IGSF11: variants seen among roughly 807,000 people sequenced by gnomAD.
IGSF11 encodes immunoglobulin superfamily member 11, also known as CXADR like 1.
Under a neutral mutation model 41.0 loss-of-function variants are expected in IGSF11, and 22 were observed. That is an observed-to-expected ratio of 0.54 (90% CI 0.38 to 0.77). The LOEUF (loss-of-function observed/expected upper bound fraction) is 0.77, where lower values mean the gene tolerates loss of function less well. Among genes scored for constraint, IGSF11 ranks in the 30% least tolerant of loss-of-function variants. The probability of loss-of-function intolerance (pLI) is 0.00; values close to 1 mark genes in which losing one functional copy is unlikely to be tolerated. For synonymous variants in IGSF11, 219 were observed against 201.3 expected (o/e 1.09, Z -0.74); for missense variants, 444 against 530.8 (o/e 0.84, Z 1.61).
At chr3:119,074,581 C>T (rs1055526694) in intron 1 of IGSF11, among the ~76,000 whole-genome samples, 4 of 150,560 alleles carry the variant, frequency 2.7e-5, no homozygotes, top group Non-Finnish European at 4.4e-5. Flanking sequence ...GGGCCAGGCA[C>T]ACGAGATTAC....
intron 1 of IGSF11, among the ~76,000 whole-genome samples, chr3:119,115,566 T>G (rs1338862546): frequency 1.4e-5 from 2 of 141,282 alleles, no homozygotes; most frequent in Non-Finnish European, 3.3e-5. Flanking sequence ...GAAATGTCTA[T>G]TCAGATTGTT....
chr3:119,005,394 T>C (rs1576619211), intron 1 of IGSF11, among the ~76,000 whole-genome samples: 1 of 151,072 alleles, frequency 6.6e-6, no homozygotes, highest in Non-Finnish European at 1.5e-5. Context: ...TACAGCACAC[T>C]GATGGGTCTT....
Position 119,078,403 on chromosome 3 carries a change from T to C in IGSF11, c.49+26741A>G, listed in dbSNP as rs966150566. Among the ~76,000 whole-genome samples, 5 of 152,054 alleles carry C rather than the reference T, an allele frequency of 3.3e-5. No individual in the cohort carries two copies. The East Asian group carries it at 5.8e-4, about 18-fold the overall frequency. On this transcript the variant is annotated intron_variant, in intron 1 of 6. Coordinates refer to the IGSF11 transcript ENST00000354673. ...CCAATGGGACAGGTTAGAGAACCCA[T>C]AAATAAAGCCACATACCTACAACTG...
intron 1 of IGSF11, among the ~76,000 whole-genome samples, chr3:118,976,980 G>A (rs761333521): frequency 9.9e-5 from 15 of 152,180 alleles, no homozygotes; most frequent in Non-Finnish European, 2.1e-4. Flanking sequence ...TTTACCAGCT[G>A]CTCTTAGGGG....
rs1576386762 is a variant in IGSF11 at position 118,926,344 on chromosome 3, C to T, written c.425-88G>A. The T allele has an allele frequency of 7.3e-6, 8 of 1,090,948 alleles. No homozygotes were observed. In the East Asian group the frequency reaches 2.1e-4, roughly 29 times the overall value. The allele number at this position is 1,090,948 out of a possible 1,614,324, so 67.6% of individuals were successfully genotyped here. A position where few individuals can be genotyped will look rare whatever the true frequency, so the allele number is the denominator to read the frequency against. On this transcript the variant is annotated intron_variant, in intron 3 of 6. Coordinates refer to ENST00000393775, the MANE Select transcript of IGSF11 (RefSeq NM_001015887.3). ...AGACATCAACATTCAGTACATTGGA[C>T]CCTTAGATTACACTGTTTTGGGAAC...
At position 118,901,704 on chromosome 3, in the gene IGSF11, T is replaced by A. The variant is rs1938875449; in HGVS notation, c.*816A>T. On this transcript the variant is annotated 3_prime_UTR_variant, in exon 7 of 7. Coordinates refer to ENST00000393775, the MANE Select transcript of IGSF11 (RefSeq NM_001015887.3). ...TAAATACAACCATTGAACAAGGTAT[T>A]ATACAACAGTCTTTTCTTTCTTAGC... is the stretch of plus-strand genomic sequence containing the variant. 1 of 151,706 alleles carries A rather than the reference T, an allele frequency of 6.6e-6. No individual in the cohort carries two copies. Among genetic ancestry groups the A allele is most frequent in the African/African-American group, 2.4e-5 (1 of 41,258 alleles). The allele number at this position is 151,706 out of a possible 1,614,324, so 9.4% of individuals were successfully genotyped here.
At chr3:119,074,529 T>C (rs2076459367) in intron 1 of IGSF11, among the ~76,000 whole-genome samples, 1 of 150,984 alleles carries the variant, frequency 6.6e-6, no homozygotes. Flanking sequence ...AAGAGGAACG[T>C]TTATAGTGTT....
chr3:118,955,087 A>T (rs1944850467), intron 1 of IGSF11, among the ~76,000 whole-genome samples: 1 of 152,172 alleles, frequency 6.6e-6, no homozygotes, highest in South Asian at 2.1e-4. Context: ...ATGTCATTAT[A>T]TGAAAAAGAT....
intron 1 of IGSF11, among the ~76,000 whole-genome samples, chr3:118,971,089 C>G (rs1933358991): frequency 6.6e-6 from 1 of 152,094 alleles, no homozygotes; most frequent in Non-Finnish European, 1.5e-5. Flanking sequence ...TGAACTAACA[C>G]TCTGCCCAGA....
At chr3:119,013,048 T>C (rs1249951592) in intron 1 of IGSF11, 2 of 152,294 alleles carry the variant, frequency 1.3e-5, no homozygotes, top group African/African-American at 4.8e-5. Context: ...TCCCAGGCTA[T>C]TTTATGCCTC....
chr3:118,956,894 A>G (rs917857833), intron 1 of IGSF11, among the ~76,000 whole-genome samples: 2 of 152,178 alleles, frequency 1.3e-5, no homozygotes, highest in South Asian at 2.1e-4. Flanking sequence ...GAAAAATGTA[A>G]TATCTGTGAA....
At chr3:119,043,477 C>T (rs1350581338) in intron 1 of IGSF11, among the ~76,000 whole-genome samples, 4 of 152,166 alleles carry the variant, frequency 2.6e-5, no homozygotes, top group Non-Finnish European at 5.9e-5. Context: ...TCATGTCTCT[C>T]ACAACCATGC....
At chr3:119,006,748 TG>T (rs1372235209) in intron 1 of IGSF11, among the ~76,000 whole-genome samples, 1 of 150,658 alleles carries the variant, frequency 6.6e-6, no homozygotes, top group East Asian at 2.0e-4. Flanking sequence ...GTGCCCCTGC[TG>T]GGGGGTGCCT....
intron 1 of IGSF11, among the ~76,000 whole-genome samples, chr3:119,068,232 T>C (rs1467250647): frequency 6.6e-6 from 1 of 152,192 alleles, no homozygotes; most frequent in East Asian, 1.9e-4. Context: ...TTTGCAGATG[T>C]CCTAACCACA....
At chr3:119,059,835 T>C (rs552674227) in intron 1 of IGSF11, among the ~76,000 whole-genome samples, 8 of 152,266 alleles carry the variant, frequency 5.3e-5, no homozygotes, top group East Asian at 1.9e-4. Flanking sequence ...TTCAGCCAAC[T>C]GGAGAGCCTC....
chr3:119,029,520 C>T (rs1940196053), intron 1 of IGSF11, among the ~76,000 whole-genome samples: 1 of 152,074 alleles, frequency 6.6e-6, no homozygotes, highest in South Asian at 2.1e-4. Flanking sequence ...CTGGAAAGAA[C>T]CAGGACTGGA....
chr3:119,051,545 C>A (rs898383704), intron 1 of IGSF11, among the ~76,000 whole-genome samples: 1 of 152,082 alleles, frequency 6.6e-6, no homozygotes, highest in Non-Finnish European at 1.5e-5. Context: ...CTTCAATACT[C>A]GACTAACAGC....
At chr3:119,093,601 A>G (rs1484793337) in intron 1 of IGSF11, among the ~76,000 whole-genome samples, 1 of 152,206 alleles carries the variant, frequency 6.6e-6, no homozygotes, top group African/African-American at 2.4e-5. Flanking sequence ...GCAGCAGTTT[A>G]CTTCCCTCTA....
intron 1 of IGSF11, among the ~76,000 whole-genome samples, chr3:118,993,254 T>C (rs551060434): frequency 2.0e-5 from 3 of 152,194 alleles, no homozygotes; most frequent in South Asian, 2.1e-4. Context: ...AGTAAATAAA[T>C]AGGCAAAGAC....
Sources: allele counts gnomAD v4.1 joint callset (sites outside exome capture counted in the v4.1 genomes callset), GRCh38; gene constraint gnomAD v4.1.1; transcripts MANE v1.5; gene names NCBI Gene and HGNC (gene_info 2026-07-23, HGNC 2026-07-21).